The following RGMA variants were observed in gnomAD, a reference collection of about 807,000 sequenced individuals.
The protein encoded by RGMA is repulsive guidance molecule A.
A neutral mutation model predicts 23.2 loss-of-function variants in RGMA; 10 were observed. The ratio of observed to expected loss-of-function variants is 0.43; its 90% confidence interval spans 0.27 to 0.73. RGMA has a LOEUF of 0.73. Ranked by LOEUF, RGMA falls within the 30% of genes least tolerant of loss-of-function variation. The pLI is 0.20. For missense variants in RGMA, 547 were observed against 630.5 expected (o/e 0.87, Z 1.42); for synonymous variants, 308 against 279.3 (o/e 1.10, Z -1.03).
intron 1 of RGMA, among the ~76,000 whole-genome samples, chr15:93,073,353 G>A (rs1265052854): frequency 6.6e-6 from 1 of 151,956 alleles, no homozygotes; most frequent in Admixed American, 6.5e-5. Flanking sequence ...CTCGCCGTGA[G>A]GACCTCGGAA....
chr15:93,050,752 C>G (rs1439988652), intron 3 of RGMA, among the ~76,000 whole-genome samples: 1 of 152,190 alleles, frequency 6.6e-6, no homozygotes, highest in Non-Finnish European at 1.5e-5. Context: ...GGGTCCACAT[C>G]CCTCTCACAT....
chr15:93,050,993 C>T (rs1366734671), intron 3 of RGMA, among the ~76,000 whole-genome samples: 12 of 152,088 alleles, frequency 7.9e-5, no homozygotes, highest in Non-Finnish European at 1.5e-4. Context: ...CGGAGGGCTG[C>T]GGGGGCACAG....
At chr15:93,054,180 A>C (rs547882460) in intron 2 of RGMA, among the ~76,000 whole-genome samples, 1 of 148,378 alleles carries the variant, frequency 6.7e-6, no homozygotes, top group South Asian at 2.2e-4. Context: ...CAGTGACCTG[A>C]GATGGCGCCA....
chr15:93,066,915 T>C (rs1028176711), intron 2 of RGMA, among the ~76,000 whole-genome samples: 2 of 152,224 alleles, frequency 1.3e-5, no homozygotes, highest in African/African-American at 4.8e-5. Flanking sequence ...TGGCTATGTG[T>C]GCAATGTCGG....
rs1440243241 is a variant in RGMA, at chr15:93,039,333, C to G, written c.*5665G>C. On this transcript the variant is annotated 3_prime_UTR_variant, in exon 4 of 4. Transcript: ENST00000329082. ...ATCGTGGTCTCCTGTCAAGCTCGCT[C>G]TCTCCCCAAGCCCTGTCAGCCCCAC... 3 of 152,180 alleles carry G rather than the reference C, an allele frequency of 2.0e-5. No individual in the cohort carries two copies. The highest frequency in any genetic ancestry group is 7.2e-5 in the African/African-American group (3 of 41,430). The allele number at this position is 152,180 out of a possible 1,614,324, so 9.4% of individuals were successfully genotyped here. A position where few individuals can be genotyped will look rare whatever the true frequency, so the allele number is the denominator to read the frequency against.
At chr15:93,052,781 CTGTT>C (rs2054949341) in intron 2 of RGMA, among the ~76,000 whole-genome samples, 1 of 152,222 alleles carries the variant, frequency 6.6e-6, no homozygotes, top group African/African-American at 2.4e-5. Context: ...GGAGTGGTCA[CTGTT>C]TGGGGGCAGT....
At chr15:93,073,727 T>C in intron 1 of RGMA, 1 of 1,537,164 alleles carries the variant, frequency 6.5e-7, no homozygotes, top group Non-Finnish European at 8.7e-7. Context: ...ACCTCGAGGT[T>C]CCCGCCCGTC....
Position 93,038,063 on chromosome 15 carries a change from A to T in RGMA, c.*6935T>A, listed in dbSNP as rs1292608020. 1 of 152,210 alleles carries T rather than the reference A, an allele frequency of 6.6e-6. No individual in the cohort carries two copies. The highest frequency in any genetic ancestry group is 1.5e-5 in the Non-Finnish European group (1 of 68,056). 9.4% of individuals were successfully genotyped at this position (152,210 alleles called of 1,614,324 possible). On this transcript the variant is annotated 3_prime_UTR_variant, in exon 4 of 4. Coordinates refer to ENST00000329082, the MANE Select transcript of RGMA (RefSeq NM_020211.3). ...GGGTTCTGCTACTAACACCATGTCTATATCTTAGGGAGGGAAGGATTAAAA... is the reference window on the plus strand; with the variant it reads ...GGGTTCTGCTACTAACACCATGTCTTTATCTTAGGGAGGGAAGGATTAAAA...
intron 1 of RGMA, among the ~76,000 whole-genome samples, chr15:93,083,236 G>A (rs1895586078): frequency 6.6e-6 from 1 of 152,264 alleles, no homozygotes; most frequent in African/African-American, 2.4e-5. Flanking sequence ...TAGCATGGAA[G>A]AAGGTGACAT....
chr15:93,072,867 G>A (rs942043345), intron 2 of RGMA, 49 bp downstream of exon 2: 1 of 1,560,712 alleles, frequency 6.4e-7, no homozygotes, highest in Non-Finnish European at 8.7e-7. Flanking sequence ...CCAGCATTGA[G>A]GGGCGGCCCA....
chr15:93,051,084 G>A (rs370408630), intron 3 of RGMA, among the ~76,000 whole-genome samples: 6 of 152,226 alleles, frequency 3.9e-5, no homozygotes, highest in Middle Eastern at 3.2e-3. Context: ...TCCACAGGGC[G>A]AAGACCTGCT....
At chr15:93,051,385 C>T (rs1254844501) in intron 3 of RGMA, among the ~76,000 whole-genome samples, 3 of 152,196 alleles carry the variant, frequency 2.0e-5, no homozygotes, top group South Asian at 2.1e-4. Context: ...GGAGGGTGGA[C>T]GTGTCCCCAT....
chr15:93,065,770 C>T (rs2141831450), intron 2 of RGMA: 3 of 1,123,114 alleles, frequency 2.7e-6, no homozygotes, highest in Non-Finnish European at 4.0e-6. Flanking sequence ...ACCGTCCCCA[C>T]CTTCCGTGGT....
chr15:93,046,219 A>C (rs2054822232), intron 3 of RGMA, among the ~76,000 whole-genome samples: 1 of 152,190 alleles, frequency 6.6e-6, no homozygotes. Context: ...TATCTTTATA[A>C]GAAGGAGGCA....
intron 1 of RGMA, among the ~76,000 whole-genome samples, chr15:93,074,336 A>C (rs1156805189): frequency 6.6e-6 from 1 of 152,182 alleles, no homozygotes; most frequent in Non-Finnish European, 1.5e-5. Context: ...CTGCAGCTGC[A>C]TTTGGGGTTC....
intron 1 of RGMA, among the ~76,000 whole-genome samples, chr15:93,085,938 G>A (rs1210508625): frequency 3.3e-5 from 5 of 152,190 alleles, no homozygotes; most frequent in African/African-American, 7.2e-5. Flanking sequence ...CTTGGGTAAG[G>A]CAATCCTTAA....
In RGMA at chr15:93,089,168, C is replaced by A; in HGVS notation, c.-236G>T. ...AACGGCCAGTGCTTCCCCGGCCCAG[C>A]GGCTCGGGCGGCGCAGCCAGCGCTC... is the stretch of plus-strand genomic sequence containing the variant. On this transcript the variant is annotated 5_prime_UTR_variant, in exon 1 of 4. Transcript: ENST00000329082. The A allele has an allele frequency of 3.4e-6, 1 of 297,578 alleles. No individual in the cohort carries two copies. Among genetic ancestry groups the A allele is most frequent in the Non-Finnish European group, 6.2e-6 (1 of 162,002 alleles). The allele number at this position is 297,578 out of a possible 1,614,324, so 18.4% of individuals were successfully genotyped here.
At chr15:93,066,296 G>A (rs775746726) in intron 2 of RGMA, 6 of 957,078 alleles carry the variant, frequency 6.3e-6, no homozygotes, top group Non-Finnish European at 1.0e-5. Context: ...CGTCATTCCT[G>A]TGGATGAATC....
At chr15:93,060,807 G>C (rs1487911720) in intron 2 of RGMA, among the ~76,000 whole-genome samples, 10 of 152,276 alleles carry the variant, frequency 6.6e-5, no homozygotes. Context: ...TGCCGGGGCA[G>C]GGCTGGCCCC....
Sources: gnomAD v4.1 joint callset for allele counts (sites outside exome capture counted in the v4.1 genomes callset) on GRCh38, gnomAD v4.1.1 for gene constraint, MANE v1.5 for transcripts, NCBI Gene and HGNC (gene_info 2026-07-23, HGNC 2026-07-21) for gene names.